ANO4: variants seen among roughly 807,000 people sequenced by gnomAD.
ANO4 encodes anoctamin-4.
Under a neutral mutation model 141.9 loss-of-function variants are expected in ANO4, and 69 were observed. That is an observed-to-expected ratio of 0.49 (90% CI 0.40 to 0.59). The LOEUF is 0.59. ANO4 is among the 20% of genes least tolerant of loss of function. The probability of loss-of-function intolerance (pLI) is 0.00; values close to 1 mark genes in which losing one functional copy is unlikely to be tolerated. For missense variants in ANO4, 894 were observed against 1,162.2 expected (o/e 0.77, Z 3.36); for synonymous variants, 350 against 394.3 (o/e 0.89, Z 1.33).
chr12:101,089,440 T>C (rs1299237622), intron 17 of ANO4, among the ~76,000 whole-genome samples: 1 of 152,116 alleles, frequency 6.6e-6, no homozygotes, highest in Non-Finnish European at 1.5e-5. Flanking sequence ...AAGTAGATGG[T>C]TAGCACTTCC....
intron 9 of ANO4, among the ~76,000 whole-genome samples, chr12:101,033,424 G>A (rs77893563): frequency 0.041 from 6,230 of 151,746 alleles, 213 homozygotes; most frequent in East Asian, 0.11. Flanking sequence ...ATATGTAACT[G>A]ACCTGCACAA....
At chr12:100,873,695 A>T (rs1036032292) in intron 1 of ANO4, among the ~76,000 whole-genome samples, 1 of 152,240 alleles carries the variant, frequency 6.6e-6, no homozygotes, top group African/African-American at 2.4e-5. Flanking sequence ...GAGTGTAAAA[A>T]TTTTGAAAAT....
At chr12:100,932,945 A>G (rs989481370) in intron 3 of ANO4, among the ~76,000 whole-genome samples, 4 of 152,076 alleles carry the variant, frequency 2.6e-5, no homozygotes, top group African/African-American at 7.2e-5. Context: ...ATAGGGAATC[A>G]TTTGAGTATC....
At position 100,987,609 on chromosome 12, in the gene ANO4, C is replaced by G. The variant is rs147507034; in HGVS notation, c.673C>G (p.Leu225Val). 1 of 1,614,020 alleles carries G rather than the reference C, an allele frequency of 6.2e-7. No homozygotes were observed. Among genetic ancestry groups the G allele is most frequent in the African/African-American group, 1.3e-5 (1 of 74,932 alleles). Reference sequence around the variant, plus strand: ...GCCAATGAGGCTGGACAAGGAGACACTGCCAGACCTGGAGGAGAATGACTG... The same window carrying G: ...GCCAATGAGGCTGGACAAGGAGACAGTGCCAGACCTGGAGGAGAATGACTG... ...KKPMRLDKET[L>V]PDLEENDCYT... is the part of the protein sequence containing the mutation. Residue 225 changes from leucine (L) to valine (V), a missense_variant, in exon 8 of 28, where the codon CTG (leucine) becomes GTG (valine). Physicochemically the swap from Leu to Val is conservative, Grantham distance 32. This residue lies in a region of ANO4 where 637 missense variants were observed against 909.2 expected (regional missense o/e 0.70). Transcript: ENST00000392977.
intron 1 of ANO4, among the ~76,000 whole-genome samples, chr12:100,802,009 C>T (rs1405396588): frequency 6.6e-6 from 1 of 152,110 alleles, no homozygotes; most frequent in Non-Finnish European, 1.5e-5. Flanking sequence ...TCTCACCCAT[C>T]CCTTTTGCCC....
At chr12:100,876,033 C>G (rs1445276350) in intron 1 of ANO4, among the ~76,000 whole-genome samples, 1 of 152,120 alleles carries the variant, frequency 6.6e-6, no homozygotes, top group Non-Finnish European at 1.5e-5. Flanking sequence ...CCACAGGGCT[C>G]TCCTACATGG....
intron 24 of ANO4, 112 bp downstream of exon 24, chr12:101,111,822 G>A: frequency 2.2e-6 from 2 of 919,328 alleles, no homozygotes; most frequent in Non-Finnish European, 3.0e-6. Context: ...CCCAGAAGGA[G>A]AGGCCTGTGA....
At chr12:100,914,324 C>A (rs2041241464) in intron 2 of ANO4, among the ~76,000 whole-genome samples, 1 of 152,220 alleles carries the variant, frequency 6.6e-6, no homozygotes, top group Non-Finnish European at 1.5e-5. Flanking sequence ...AAATGTGGTT[C>A]TCCCATCAGG....
chr12:100,814,402 T>G (rs532284013), intron 1 of ANO4, among the ~76,000 whole-genome samples: 7 of 152,246 alleles, frequency 4.6e-5, no homozygotes, highest in Admixed American at 2.0e-4. Context: ...TTCTAATATT[T>G]AAGGGGCTAC....
chr12:101,066,257 G>T (rs1328494834), intron 14 of ANO4, among the ~76,000 whole-genome samples: 1 of 152,284 alleles, frequency 6.6e-6, no homozygotes, highest in Non-Finnish European at 1.5e-5. Context: ...GGAAGTCCTA[G>T]CTAAAGCAAT....
At chr12:100,810,647 C>G (rs2035361189) in intron 1 of ANO4, among the ~76,000 whole-genome samples, 1 of 152,082 alleles carries the variant, frequency 6.6e-6, no homozygotes, top group South Asian at 2.1e-4. Flanking sequence ...CTGTCTTGAA[C>G]TTGGTACTAG....
At chr12:100,790,422 T>C (rs188315330), upstream of ANO4, among the ~76,000 whole-genome samples, 1 of 152,190 alleles carries the variant, frequency 6.6e-6, no homozygotes, top group Non-Finnish European at 1.5e-5. Flanking sequence ...AAAGAAAGAA[T>C]TGGTTGCAGC....
intron 1 of ANO4, chr12:100,885,423 T>A (rs2135969946): frequency 6.6e-6 from 1 of 152,366 alleles, no homozygotes; most frequent in East Asian, 1.9e-4. Flanking sequence ...TCTTCTCAGT[T>A]CTCAATTTCT....
chr12:101,108,364 C>G (rs2050531141), intron 22 of ANO4, among the ~76,000 whole-genome samples: 1 of 152,144 alleles, frequency 6.6e-6, no homozygotes, highest in Non-Finnish European at 1.5e-5. Context: ...GGTAGATGGA[C>G]TCTGCAGAAC....
chr12:100,806,125 A>G (rs918210123), intron 1 of ANO4, among the ~76,000 whole-genome samples: 1 of 152,210 alleles, frequency 6.6e-6, no homozygotes, highest in Non-Finnish European at 1.5e-5. Flanking sequence ...TGTGATTTGT[A>G]TAAACAGGGG....
chr12:100,975,526 ATTCTCCTGCCTCCAAGCG>A (rs1490462653), intron 7 of ANO4, among the ~76,000 whole-genome samples: 2 of 43,630 alleles, frequency 4.6e-5, no homozygotes, highest in South Asian at 8.8e-4. Flanking sequence ...GGTTCAAGCG[ATTCTCCTGCCTCCAAGCG>A]ATTCTCCTGC....
upstream of ANO4, among the ~76,000 whole-genome samples, chr12:100,791,674 G>A (rs1338106262): frequency 6.6e-6 from 1 of 152,146 alleles, no homozygotes; most frequent in Non-Finnish European, 1.5e-5. Flanking sequence ...AGCATTCTTG[G>A]GGGACCCCCT....
intron 9 of ANO4, among the ~76,000 whole-genome samples, chr12:101,033,557 A>G (rs1593075229): frequency 2.0e-5 from 3 of 152,288 alleles, no homozygotes; most frequent in South Asian, 4.1e-4. Context: ...AACCTAGGCA[A>G]TACCATTCAG....
intron 14 of ANO4, among the ~76,000 whole-genome samples, chr12:101,052,837 T>G (rs961152155): frequency 6.6e-6 from 1 of 152,220 alleles, no homozygotes; most frequent in Non-Finnish European, 1.5e-5. Context: ...CAATTTCTCA[T>G]CACCCATTAG....
Sources: allele counts gnomAD v4.1 joint callset (sites outside exome capture counted in the v4.1 genomes callset), GRCh38; gene constraint gnomAD v4.1.1; regional missense constraint gnomAD v4.1.1; transcripts MANE v1.5; gene names NCBI Gene and HGNC (gene_info 2026-07-23, HGNC 2026-07-21).